PIK3R6: variants seen among roughly 807,000 people sequenced by gnomAD.
PIK3R6 encodes the protein phosphoinositide 3-kinase regulatory subunit 6.
Under a neutral mutation model 84.9 loss-of-function variants are expected in PIK3R6, and 91 were observed. The ratio of observed to expected loss-of-function variants is 1.07; its 90% confidence interval spans 0.90 to 1.28. The LOEUF (loss-of-function observed/expected upper bound fraction) is 1.28. Ranked by LOEUF, PIK3R6 falls within the 50% of genes most tolerant of loss-of-function variation. The pLI, the probability that PIK3R6 is intolerant of heterozygous loss-of-function variation, is 0.00. For missense variants in PIK3R6, 996 were observed against 985.1 expected, an observed-to-expected ratio of 1.01 and a Z score of -0.15; for synonymous variants, 416 against 411.4, an observed-to-expected ratio of 1.01 and a Z score of -0.13.
At chr17:8,867,003 A>G (rs946964649) in intron 1 of PIK3R6, among the ~76,000 whole-genome samples, 2 of 152,220 alleles carry the variant, frequency 1.3e-5, no homozygotes, top group Non-Finnish European at 2.9e-5. Context: ...TGATGGGCAG[A>G]TGATGTCCCA....
intron 13 of PIK3R6, 105 bp downstream of exon 13, chr17:8,827,067 C>T (rs939445031): frequency 1.5e-6 from 2 of 1,341,996 alleles, no homozygotes; most frequent in African/African-American, 2.9e-5. Flanking sequence ...CCCCCTCTCA[C>T]CCCCATTTCA....
chr17:8,840,967 T>C (rs2088659997), intron 2 of PIK3R6, among the ~76,000 whole-genome samples: 1 of 151,940 alleles, frequency 6.6e-6, no homozygotes, highest in Admixed American at 6.6e-5. Flanking sequence ...TTAGCTAGGA[T>C]GGTCTCAATC....
At position 8,836,808 on chromosome 17, in the gene PIK3R6, GTT is replaced by G. The variant is rs765819734; in HGVS notation, c.372_373del (p.Lys124AsnfsTer23). The stretch of plus-strand genomic sequence containing the variant: ...ACTCTTACCTGGGACAGCCATCTCC[GTT>G]TTCAGCCTTATCGCGCAGTCCAAGG... On this transcript the variant is annotated frameshift_variant, in exon 6 of 20. Transcript: ENST00000619866. LOFTEE classifies it high-confidence loss of function. The G allele has an allele frequency of 6.2e-7, 1 of 1,608,096 alleles. No individual in the cohort carries two copies. The highest frequency in any genetic ancestry group is 8.5e-7 in the Non-Finnish European group (1 of 1,177,238).
chr17:8,827,144 C>T, intron 13 of PIK3R6, 28 bp downstream of exon 13: 1 of 1,609,896 alleles, frequency 6.2e-7, no homozygotes, highest in Non-Finnish European at 8.5e-7. Context: ...TCCCTCTCTC[C>T]CTCCCTGGTA....
chr17:8,825,291 G>A (rs971702046), intron 13 of PIK3R6, among the ~76,000 whole-genome samples: 2 of 152,082 alleles, frequency 1.3e-5, no homozygotes, highest in Non-Finnish European at 2.9e-5. Context: ...AATCCAATAG[G>A]ATTAAAAATA....
rs2088162431 is a variant in PIK3R6, at chr17:8,829,663, C to G, written c.889+43G>C. On this transcript the variant is annotated intron_variant, in intron 10 of 19. Coordinates refer to ENST00000619866, the MANE Select transcript of PIK3R6 (RefSeq NM_001010855.4). ...TCATGCACGCATACACACACAGACA[C>G]AGACATATACCACTGTTTCCAGACA... 4.6e-6 allele frequency: 7 copies of G among 1,524,908 alleles called. No homozygotes were observed. The Admixed American group carries it at 9.9e-5, about 21-fold the overall frequency. The allele number at this position is 1,524,908 out of a possible 1,614,324, so 94.5% of individuals were successfully genotyped here. A position where few individuals can be genotyped will look rare whatever the true frequency, so the allele number is the denominator to read the frequency against.
In PIK3R6 at chr17:8,853,773, C is replaced by T. The variant is rs112829137; in HGVS notation, c.-91-3888G>A. On this transcript the variant is annotated intron_variant, in intron 1 of 19. Transcript: ENST00000619866. ...GGCCAGGAGATCAAGACCATCCTGG[C>T]TAACATGATGAAACCCTGTCTCTAC... 4.3e-3 allele frequency among the ~76,000 whole-genome samples: 656 copies of T among 151,892 alleles called. 6 individuals are homozygous for T. Among genetic ancestry groups the T allele is most frequent in the African/African-American group, 0.014 (594 of 41,440 alleles).
At chr17:8,856,331 G>C (rs2089139821) in intron 1 of PIK3R6, among the ~76,000 whole-genome samples, 1 of 152,202 alleles carries the variant, frequency 6.6e-6, no homozygotes, top group Non-Finnish European at 1.5e-5. Context: ...GTCAGGCGTG[G>C]TGGCTCACGC....
intron 1 of PIK3R6, among the ~76,000 whole-genome samples, chr17:8,859,983 A>C (rs112502117): frequency 8.3e-4 from 127 of 152,292 alleles, no homozygotes; most frequent in Middle Eastern, 6.8e-3. Flanking sequence ...CCTGACTAAT[A>C]CAATGCTTAA....
At chr17:8,813,154 A>C (rs1467586215) in intron 18 of PIK3R6, among the ~76,000 whole-genome samples, 1 of 152,196 alleles carries the variant, frequency 6.6e-6, no homozygotes, top group Non-Finnish European at 1.5e-5. Context: ...GAAATGGATA[A>C]ATTCCATTTA....
At chr17:8,864,714 T>C (rs143086584) in intron 1 of PIK3R6, among the ~76,000 whole-genome samples, 1,550 of 151,930 alleles carry the variant, frequency 0.01, 43 homozygotes, top group African/African-American at 0.035. Context: ...ATTTGTTGTA[T>C]TTTTAGTAGA....
intron 18 of PIK3R6, among the ~76,000 whole-genome samples, chr17:8,817,922 CCTTTTTTTTTT>C (rs2087595935): frequency 7.3e-6 from 1 of 137,862 alleles, no homozygotes; most frequent in African/African-American, 2.6e-5. Context: ...TTTTTTTTTT[CCTTTTTTTTTT>C]CTTTTAAGAT....
chr17:8,854,897 C>A (rs1235847732), intron 1 of PIK3R6, among the ~76,000 whole-genome samples: 1 of 152,050 alleles, frequency 6.6e-6, no homozygotes, highest in African/African-American at 2.4e-5. Flanking sequence ...ATACCTTTAA[C>A]AAAATGAAAA....
chr17:8,824,972 G>A (rs1248207541), intron 13 of PIK3R6, among the ~76,000 whole-genome samples: 13 of 152,116 alleles, frequency 8.5e-5, no homozygotes, highest in African/African-American at 2.9e-4. Context: ...GTAAATTAAT[G>A]TTATATTTTT....
At chr17:8,858,568 C>T (rs1287510158) in intron 1 of PIK3R6, among the ~76,000 whole-genome samples, 2 of 152,104 alleles carry the variant, frequency 1.3e-5, no homozygotes, top group African/African-American at 2.4e-5. Context: ...CCACCCACCT[C>T]GGCCTCCCAG....
At chr17:8,856,452 A>G (rs1567613414) in intron 1 of PIK3R6, among the ~76,000 whole-genome samples, 1 of 152,194 alleles carries the variant, frequency 6.6e-6, no homozygotes, top group Non-Finnish European at 1.5e-5. Flanking sequence ...AAATACAAAA[A>G]TTAGCCAGGC....
rs57042200 is a variant in PIK3R6 at position 8,829,074 on chromosome 17, TAC to T, written c.890-86_890-85del. 2,346 of 1,259,316 alleles carry T rather than the reference TAC, an allele frequency of 1.9e-3. 36 individuals are homozygous for T. In the African/African-American group the frequency reaches 0.031, roughly 17 times the overall value. 78.0% of individuals were successfully genotyped at this position (1,259,316 alleles called of 1,614,324 possible). A position where few individuals can be genotyped will look rare whatever the true frequency, so the allele number is the denominator to read the frequency against. ...ATTTCAGCCAGTCCTCTTCAGAGGATACACACACACAGAAACACAGACAGACA... is the reference window on the plus strand; with the variant it reads ...ATTTCAGCCAGTCCTCTTCAGAGGATACACACACAGAAACACAGACAGACA... On this transcript the variant is annotated intron_variant, in intron 10 of 19. Coordinates refer to ENST00000619866, the MANE Select transcript of PIK3R6 (RefSeq NM_001010855.4).
intron 18 of PIK3R6, among the ~76,000 whole-genome samples, 174 bp from the exon 19 acceptor site, chr17:8,804,327 C>T (rs1211706718): frequency 6.6e-6 from 1 of 152,190 alleles, no homozygotes; most frequent in Non-Finnish European, 1.5e-5. Context: ...TCTAGGCTGC[C>T]CTTGCCCTTG....
At chr17:8,822,863 G>A in intron 15 of PIK3R6, 133 bp downstream of exon 15, 1 of 970,906 alleles carries the variant, frequency 1.0e-6, no homozygotes, top group Non-Finnish European at 1.6e-6. Flanking sequence ...GCATTCAGCA[G>A]AGGTAGGGAA....
Sources: allele counts gnomAD v4.1 joint callset (sites outside exome capture counted in the v4.1 genomes callset), GRCh38; gene constraint gnomAD v4.1.1; transcripts MANE v1.5; gene names NCBI Gene and HGNC (gene_info 2026-07-23, HGNC 2026-07-21).